VPS37A: variants seen among roughly 807,000 people sequenced by gnomAD.
VPS37A encodes vacuolar protein sorting-associated protein 37A.
VPS37A carries 30 observed loss-of-function variants against 49.8 expected under a neutral mutation model. The observed-to-expected ratio is 0.60, with a 90% CI of 0.45 to 0.82. VPS37A has a LOEUF of 0.82. Among genes scored for constraint, VPS37A ranks in the 40% least tolerant of loss-of-function variants. The pLI is 0.00. For synonymous variants in VPS37A, 195 were observed against 160.6 expected (o/e 1.21, Z -1.62); for missense variants, 593 against 464.4 (o/e 1.28, Z -2.55).
chr8:17,261,815 C>A (rs902456836), intron 1 of VPS37A, among the ~76,000 whole-genome samples: 3 of 152,194 alleles, frequency 2.0e-5, no homozygotes, highest in Admixed American at 1.3e-4. Flanking sequence ...AATATATCTC[C>A]TACAACATGG....
downstream of VPS37A, among the ~76,000 whole-genome samples, chr8:17,306,883 T>G (rs978550826): frequency 2.0e-5 from 3 of 151,690 alleles, no homozygotes; most frequent in African/African-American, 4.9e-5. Context: ...ATACAAAAAT[T>G]AATTCAAGAT....
intron 4 of VPS37A, among the ~76,000 whole-genome samples, chr8:17,269,539 A>T (rs939614099): frequency 3.3e-5 from 5 of 152,222 alleles, no homozygotes; most frequent in Admixed American, 1.3e-4. Flanking sequence ...TATGAAAAAT[A>T]TCCTTTAAAC....
chr8:17,255,667 C>G (rs1432895035), intron 1 of VPS37A, among the ~76,000 whole-genome samples: 1 of 152,122 alleles, frequency 6.6e-6, no homozygotes, highest in East Asian at 1.9e-4. Flanking sequence ...CTTTTATCAA[C>G]TGTATATTTA....
At chr8:17,265,842 A>G in intron 1 of VPS37A, 65 bp from the exon 2 acceptor site, 1 of 1,610,760 alleles carries the variant, frequency 6.2e-7, no homozygotes, top group Non-Finnish European at 8.5e-7. Flanking sequence ...CTAGCACTTA[A>G]CATTGGTTTT....
intron 11 of VPS37A, among the ~76,000 whole-genome samples, chr8:17,294,303 C>T (rs1009803421): frequency 6.6e-6 from 1 of 152,158 alleles, no homozygotes; most frequent in Non-Finnish European, 1.5e-5. Flanking sequence ...GCCCCTCCCC[C>T]CACCAAGCTC....
chr8:17,276,744 T>A (rs1279594882), intron 6 of VPS37A, among the ~76,000 whole-genome samples: 2 of 152,150 alleles, frequency 1.3e-5, no homozygotes, highest in African/African-American at 4.8e-5. Flanking sequence ...CTGCATTCTT[T>A]GAAAAATATT....
At chr8:17,279,139 C>A (rs1563273468) in intron 6 of VPS37A, among the ~76,000 whole-genome samples, 2 of 152,082 alleles carry the variant, frequency 1.3e-5, no homozygotes. Flanking sequence ...TAAATAGTCA[C>A]AGAGGTTAAA....
chr8:17,315,706 GA>G, the VPS37A span, among the ~76,000 whole-genome samples: 1 of 149,664 alleles, frequency 6.7e-6, no homozygotes, highest in Non-Finnish European at 1.5e-5. Context: ...TGTCTCTTAA[GA>G]AAAAAAAACA....
At chr8:17,255,736 C>T (rs1385958088) in intron 1 of VPS37A, among the ~76,000 whole-genome samples, 1 of 152,130 alleles carries the variant, frequency 6.6e-6, no homozygotes, top group Non-Finnish European at 1.5e-5. Context: ...CTGGAACCAT[C>T]ACGCTACTTT....
downstream of VPS37A, chr8:17,304,580 G>T: frequency 6.5e-7 from 1 of 1,530,536 alleles, no homozygotes; most frequent in Non-Finnish European, 9.0e-7. Flanking sequence ...CAGTAGATAT[G>T]TTATATTAAT....
the VPS37A span, among the ~76,000 whole-genome samples, chr8:17,320,743 C>T: frequency 6.6e-6 from 1 of 152,208 alleles, no homozygotes; most frequent in African/African-American, 2.4e-5. Flanking sequence ...ACCAGACAGG[C>T]CCTCCAAGCA....
At chr8:17,276,517 A>G (rs377306224) in intron 6 of VPS37A, 50 bp downstream of exon 6, 3 of 1,510,464 alleles carry the variant, frequency 2.0e-6, no homozygotes, top group Non-Finnish European at 2.7e-6. Context: ...ATTTGTAAGC[A>G]TAAACCAGAT....
At chr8:17,320,753 A>G in the VPS37A span, among the ~76,000 whole-genome samples, 1 of 152,194 alleles carries the variant, frequency 6.6e-6, no homozygotes, top group South Asian at 2.1e-4. Context: ...CCCTCCAAGC[A>G]TCAGGCTCAC....
chr8:17,285,233 G>A (rs573905428), intron 10 of VPS37A, among the ~76,000 whole-genome samples: 1 of 151,992 alleles, frequency 6.6e-6, no homozygotes, highest in African/African-American at 2.4e-5. Flanking sequence ...TATACAAGCA[G>A]GTAAATCAAA....
At chr8:17,276,328 G>T in intron 5 of VPS37A, 69 bp from the exon 6 acceptor site, 2 of 1,231,538 alleles carry the variant, frequency 1.6e-6, no homozygotes, top group Non-Finnish European at 2.3e-6. Flanking sequence ...TAAAGATTAC[G>T]TTTATTAGTA....
At chr8:17,312,602 TTC>T in the VPS37A span, among the ~76,000 whole-genome samples, 1 of 138,624 alleles carries the variant, frequency 7.2e-6, no homozygotes, top group Non-Finnish European at 1.6e-5. Context: ...AAAAAAAAAA[TTC>T]TCTGTCTCCC....
intron 2 of VPS37A, among the ~76,000 whole-genome samples, chr8:17,268,042 T>A (rs1473982243): frequency 6.6e-6 from 1 of 152,182 alleles, no homozygotes; most frequent in Non-Finnish European, 1.5e-5. Flanking sequence ...TATTTCACAT[T>A]AAGATTTTAC....
In VPS37A at chr8:17,297,958, A is replaced by G. The variant is rs934677199; in HGVS notation, c.*2972A>G. On this transcript the variant is annotated 3_prime_UTR_variant, in exon 12 of 12. Coordinates refer to ENST00000324849, the MANE Select transcript of VPS37A (RefSeq NM_152415.3). ...ATGGAAGTTGTCATATTAAAAAACT[A>G]CATTTTAAAACATCAAATATTTATA... 2 of 152,128 alleles carry G rather than the reference A, an allele frequency of 1.3e-5. No individual in the cohort carries two copies. Among genetic ancestry groups the G allele is most frequent in the African/African-American group, 2.4e-5 (1 of 41,466 alleles). The allele number at this position is 152,128 out of a possible 1,614,324, so 9.4% of individuals were successfully genotyped here.
At chr8:17,311,874 A>C in the VPS37A span, 2 of 546,210 alleles carry the variant, frequency 3.7e-6, no homozygotes, top group East Asian at 3.2e-5. Context: ...CACCTCCAAT[A>C]AGCGCATGTA....
Sources: allele counts gnomAD v4.1 joint callset (sites outside exome capture counted in the v4.1 genomes callset), GRCh38; gene constraint gnomAD v4.1.1; transcripts MANE v1.5; gene names NCBI Gene and HGNC (gene_info 2026-07-23, HGNC 2026-07-21).